The following WASHC2C variants were observed in gnomAD, a reference collection of about 807,000 sequenced individuals.
WASHC2C encodes the protein Vaccinia Penetration Factor.
Under a neutral mutation model 142.2 loss-of-function variants are expected in WASHC2C, and 73 were observed. That is an observed-to-expected ratio of 0.51 (90% CI 0.43 to 0.62). The LOEUF (loss-of-function observed/expected upper bound fraction) is 0.62, where lower values mean the gene tolerates loss of function less well. WASHC2C is among the 20% of genes least tolerant of loss of function. The pLI, the probability that WASHC2C is intolerant of heterozygous loss-of-function variation, is 0.00. For synonymous variants in WASHC2C, 337 were observed against 565.5 expected (o/e 0.60, Z 5.73); for missense variants, 969 against 1,531.7 (o/e 0.63, Z 6.13).
rs1478182291 is a variant in WASHC2C, at chr10:45,738,281, C to T, written c.354+236C>T. On this transcript the variant is annotated intron_variant, in intron 4 of 30. Coordinates refer to ENST00000623400, the MANE Select transcript of WASHC2C (RefSeq NM_001330074.2). ...GAATAGAGTAGAAGTCAGCAAACTT[C>T]TTTTGTAAAGGGCCAGATAGTACAT... is the stretch of plus-strand genomic sequence containing the variant. Among the ~76,000 whole-genome samples the T allele has an allele frequency of 3.0e-4, 46 of 151,472 alleles. 1 individual carries two copies. Among genetic ancestry groups the T allele is most frequent in the African/African-American group, 1.0e-3 (41 of 41,172 alleles).
chr10:45,786,914 T>TA, intron 27 of WASHC2C, 121 bp from the exon 28 acceptor site: 1 of 1,608,282 alleles, frequency 6.2e-7, no homozygotes, highest in Non-Finnish European at 8.5e-7. Flanking sequence ...GCGATTTTCC[T>TA]ACGTTTCTCT....
chr10:45,752,616 C>T lies in WASHC2C; in HGVS notation c.1032C>T (p.Pro344=), dbSNP rs782042416. 2.5e-6 allele frequency: 4 copies of T among 1,609,898 alleles called. No homozygotes were observed. In the South Asian group the frequency reaches 4.4e-5, roughly 18 times the overall value. The stretch of plus-strand genomic sequence containing the variant: ...AAGAGGATAACTTATTCGCACCCCC[C>T]AAGCTGACCGACGAGGACTTCTCGC... ...DDEEDNLFAP[P]KLTDEDFSPF... The change falls in exon 12 of 31, where the codon CCC becomes CCT. Residue 344 remains proline, a synonymous_variant. Coordinates refer to ENST00000623400, the MANE Select transcript of WASHC2C (RefSeq NM_001330074.2).
rs1418957542 is a variant in WASHC2C, at chr10:45,780,839, TG to T, written c.2478+1705del. Reference sequence around the variant, plus strand: ...CACAATCTTGGCTCACTGCAACCTTTGCCTCCCGGGTTCAAGCGATTCTCCT... The same window carrying T: ...CACAATCTTGGCTCACTGCAACCTTTCCTCCCGGGTTCAAGCGATTCTCCT... On this transcript the variant is annotated intron_variant, in intron 23 of 30. Coordinates refer to ENST00000623400, the MANE Select transcript of WASHC2C (RefSeq NM_001330074.2). Among the ~76,000 whole-genome samples, 3 of 151,852 alleles carry T rather than the reference TG, an allele frequency of 2.0e-5. No individual in the cohort carries two copies. The East Asian group carries it at 5.8e-4, about 29-fold the overall frequency.
intron 3 of WASHC2C, among the ~76,000 whole-genome samples, chr10:45,733,072 TTTGA>T (rs1305712532): frequency 6.6e-6 from 1 of 152,168 alleles, no homozygotes; most frequent in African/African-American, 2.4e-5. Context: ...GCCTCTACCC[TTTGA>T]TTGACATCTG....
At chr10:45,766,957 C>CA (rs1486238993) in intron 19 of WASHC2C, among the ~76,000 whole-genome samples, 20 of 149,728 alleles carry the variant, frequency 1.3e-4, no homozygotes, top group South Asian at 2.1e-4. Flanking sequence ...AAGCAGATTG[C>CA]AAAAAAAAAT....
At position 45,743,771 on chromosome 10, in the gene WASHC2C, CAG is replaced by C. The variant is rs782499913; in HGVS notation, c.622+291_622+292del. ...TCTTTGTCTTTTTCTTTTTTTGAGA[CAG>C]AGTCTCGCTCTGTGGCCCAGGCTGG... On this transcript the variant is annotated intron_variant, in intron 6 of 30. Transcript: ENST00000623400. Among the ~76,000 whole-genome samples the C allele has an allele frequency of 5.4e-5, 8 of 147,688 alleles. No homozygotes were observed. The East Asian group carries it at 1.6e-3, about 29-fold the overall frequency.
At chr10:45,738,208 G>A (rs534924113) in intron 4 of WASHC2C, among the ~76,000 whole-genome samples, 163 bp downstream of exon 4, 1 of 152,318 alleles carries the variant, frequency 6.6e-6, no homozygotes, top group Admixed American at 6.5e-5. Context: ...TTTCTGAAAT[G>A]TAGTATATTA....
chr10:45,755,608 T>C (rs2054174115), intron 15 of WASHC2C, among the ~76,000 whole-genome samples: 1 of 152,304 alleles, frequency 6.6e-6, no homozygotes, highest in Non-Finnish European at 1.5e-5. Context: ...ATGTAAGTCC[T>C]ATGTCCTGAA....
intron 23 of WASHC2C, among the ~76,000 whole-genome samples, chr10:45,781,149 G>A (rs2057472649): frequency 6.6e-6 from 1 of 151,626 alleles, no homozygotes; most frequent in African/African-American, 2.4e-5. Context: ...AAAATACTTA[G>A]GAGTAAATTT....
intron 25 of WASHC2C, among the ~76,000 whole-genome samples, chr10:45,785,245 GT>G (rs1199312050): frequency 1.3e-5 from 2 of 152,150 alleles, no homozygotes; most frequent in Non-Finnish European, 2.9e-5. Flanking sequence ...TTGAATCTGA[GT>G]TTTAGCCTTT....
chr10:45,771,893 C>T lies in WASHC2C; in HGVS notation c.2040-1363C>T, dbSNP rs1277796123. 4.4e-5 allele frequency: 34 copies of T among 779,136 alleles called. No individual in the cohort carries two copies. In the African/African-American group the frequency reaches 5.9e-4, roughly 13 times the overall value. 48.3% of individuals were successfully genotyped at this position (779,136 alleles called of 1,614,324 possible). On this transcript the variant is annotated intron_variant, in intron 20 of 30. Coordinates refer to ENST00000623400, the MANE Select transcript of WASHC2C (RefSeq NM_001330074.2). ...CACCATATGACATAATAGTTTCATT[C>T]CTATGTATATACATAAGAGAAATGA...
chr10:45,777,244 G>A, intron 21 of WASHC2C, 29 bp from the exon 22 acceptor site: 1 of 1,507,260 alleles, frequency 6.6e-7, no homozygotes, highest in Non-Finnish European at 9.1e-7. Flanking sequence ...TTTTATTGTT[G>A]TGGATGTCAT....
Position 45,785,040 on chromosome 10 carries a change from A to T in WASHC2C, c.2688+139A>T, listed in dbSNP as rs569313345. The T allele has an allele frequency of 8.2e-6, 13 of 1,585,096 alleles. No homozygotes were observed. In the African/African-American group the frequency reaches 1.6e-4, roughly 20 times the overall value. On this transcript the variant is annotated intron_variant, in intron 25 of 30. Coordinates refer to ENST00000623400, the MANE Select transcript of WASHC2C (RefSeq NM_001330074.2). ...TAAATGAATGGCAAATAACATGCCGAGGGGAGCGTGTGTGGAGGATGCAAT... is the reference window on the plus strand; with the variant it reads ...TAAATGAATGGCAAATAACATGCCGTGGGGAGCGTGTGTGGAGGATGCAAT...
intron 29 of WASHC2C, among the ~76,000 whole-genome samples, chr10:45,789,961 C>T (rs2058299468): frequency 6.6e-6 from 1 of 152,186 alleles, no homozygotes; most frequent in Admixed American, 6.5e-5. Context: ...GGACTGCAGG[C>T]ACAAGGTGAA....
rs782161681 is a variant in WASHC2C, at chr10:45,729,039, G to A, written c.291+13G>A. 6.2e-7 allele frequency: 1 copy of A among 1,605,892 alleles called. No homozygotes were observed. Among genetic ancestry groups the A allele is most frequent in the Non-Finnish European group, 8.5e-7 (1 of 1,176,754 alleles). On this transcript the variant is annotated intron_variant, in intron 3 of 30. Transcript: ENST00000623400. ...GTTCATAGAGAATGTGAGTTATTTA[G>A]TTATATTATAATTCCTTTTTTGGGA...
chr10:45,787,405 A>T (rs1458828910), intron 28 of WASHC2C, among the ~76,000 whole-genome samples, 158 bp downstream of exon 28: 3 of 88,608 alleles, frequency 3.4e-5, no homozygotes, highest in African/African-American at 8.7e-5. Flanking sequence ...CATTCTCCCC[A>T]CCCCCCTCAT....
chr10:45,787,304 C>G (rs1167601197), intron 28 of WASHC2C, 57 bp downstream of exon 28: 1 of 750,192 alleles, frequency 1.3e-6, no homozygotes. Flanking sequence ...CATGCATATG[C>G]TTCTTTCTAG....
intron 21 of WASHC2C, among the ~76,000 whole-genome samples, chr10:45,775,774 C>T (rs1401337022): frequency 2.0e-5 from 3 of 151,584 alleles, no homozygotes; most frequent in African/African-American, 4.8e-5. Flanking sequence ...CTCCGCCTCC[C>T]GGGTTCACGC....
At chr10:45,772,332 A>G (rs2056673266) in intron 20 of WASHC2C, among the ~76,000 whole-genome samples, 1 of 151,932 alleles carries the variant, frequency 6.6e-6, no homozygotes, top group African/African-American at 2.4e-5. Context: ...ATATTGCACA[A>G]CTCGATGAGT....
Sources: allele counts gnomAD v4.1 joint callset (sites outside exome capture counted in the v4.1 genomes callset), GRCh38; gene constraint gnomAD v4.1.1; transcripts MANE v1.5; gene names NCBI Gene and HGNC (gene_info 2026-07-23, HGNC 2026-07-21).